Variants in TMEM74 observed in about 807,000 individuals in gnomAD.
TMEM74 encodes transmembrane protein 74.
In TMEM74, 13 loss-of-function variants were observed where a neutral mutation model predicts 18.1. The observed-to-expected ratio is 0.72, with a 90% confidence interval of 0.47 to 1.14. The LOEUF (loss-of-function observed/expected upper bound fraction) is 1.14. Among genes scored for constraint, TMEM74 ranks in the 50% most tolerant of loss-of-function variants. The pLI is 0.00. For synonymous variants in TMEM74, 159 were observed against 146.6 expected (o/e 1.08, Z -0.61); for missense variants, 372 against 375.9 (o/e 0.99, Z 0.09).
At chr8:108,638,098 T>A (rs527914763) in intron 2 of TMEM74, among the ~76,000 whole-genome samples, 7 of 152,262 alleles carry the variant, frequency 4.6e-5, no homozygotes, top group Admixed American at 1.3e-4. Flanking sequence ...TACTTGGGTG[T>A]GAAAGTAGAA....
chr8:108,742,460 A>G (rs1471808624), intron 1 of TMEM74, among the ~76,000 whole-genome samples: 1 of 152,190 alleles, frequency 6.6e-6, no homozygotes, highest in Non-Finnish European at 1.5e-5. Flanking sequence ...CCTGTTTTAT[A>G]CGAAGCATAG....
At chr8:108,686,145 A>G (rs1586260594) in intron 1 of TMEM74, among the ~76,000 whole-genome samples, 1 of 152,282 alleles carries the variant, frequency 6.6e-6, no homozygotes, top group Non-Finnish European at 1.5e-5. Context: ...TCCTAAAAAA[A>G]ATTAAGCAAG....
intron 1 of TMEM74, among the ~76,000 whole-genome samples, chr8:108,660,784 A>T (rs188081465): frequency 1.3e-5 from 2 of 152,264 alleles, no homozygotes; most frequent in Admixed American, 1.3e-4. Context: ...AGAGTATTTC[A>T]TGCAGGTAAC....
rs148853050 is a variant in TMEM74, at chr8:108,737,133, A to T, written n.119+50343T>A. 3.2e-4 allele frequency among the ~76,000 whole-genome samples: 48 copies of T among 152,286 alleles called. No individual in the cohort carries two copies. In the East Asian group the frequency reaches 9.1e-3, roughly 29 times the overall value. On this transcript the variant is annotated intron_variant and non_coding_transcript_variant, in intron 1 of 3. Coordinates refer to the TMEM74 transcript ENST00000518838. ...TGTAGGTGAAAATATACTGACCTGA[A>T]TGTCATAAAATTGTGGGTTCATACC... is the stretch of plus-strand genomic sequence containing the variant.
intron 1 of TMEM74, among the ~76,000 whole-genome samples, chr8:108,758,138 A>G (rs1813999603): frequency 6.6e-6 from 1 of 152,026 alleles, no homozygotes; most frequent in East Asian, 1.9e-4. Flanking sequence ...AGTTCCAGAA[A>G]TAGCTTGGAG....
intron 2 of TMEM74, among the ~76,000 whole-genome samples, chr8:108,638,364 T>A (rs1812627995): frequency 2.0e-5 from 3 of 152,154 alleles, no homozygotes; most frequent in Admixed American, 2.0e-4. Context: ...AGCTTCATGC[T>A]TAAAAAATGT....
chr8:108,743,880 G>T (rs1438099331), intron 1 of TMEM74, among the ~76,000 whole-genome samples: 1 of 152,114 alleles, frequency 6.6e-6, no homozygotes, highest in African/African-American at 2.4e-5. Context: ...AGGGGAGAAA[G>T]AATGTTTGAA....
At chr8:108,634,560 C>T (rs974326335) in intron 2 of TMEM74, among the ~76,000 whole-genome samples, 1 of 151,962 alleles carries the variant, frequency 6.6e-6, no homozygotes, top group Non-Finnish European at 1.5e-5. Context: ...TCCACTCTTT[C>T]CAAACCTTTT....
chr8:108,762,132 T>A (rs1814051243), intron 1 of TMEM74, among the ~76,000 whole-genome samples: 1 of 152,196 alleles, frequency 6.6e-6, no homozygotes, highest in African/African-American at 2.4e-5. Context: ...CAGAAACAAC[T>A]GTGCTTCATG....
At chr8:108,698,930 CT>C (rs1360006446) in intron 1 of TMEM74, among the ~76,000 whole-genome samples, 3 of 152,078 alleles carry the variant, frequency 2.0e-5, no homozygotes, top group Non-Finnish European at 4.4e-5. Flanking sequence ...GCTTTGGTGT[CT>C]GTAAATGTGA....
At chr8:108,652,666 G>T (rs1812786023) in intron 2 of TMEM74, 1 of 604,782 alleles carries the variant, frequency 1.7e-6, no homozygotes, top group South Asian at 1.7e-5. Flanking sequence ...AAAGCCAATT[G>T]TGCAGAAAAT....
At chr8:108,658,185 T>C (rs1018812156) in intron 1 of TMEM74, among the ~76,000 whole-genome samples, 3 of 151,786 alleles carry the variant, frequency 2.0e-5, no homozygotes, top group Non-Finnish European at 4.4e-5. Context: ...CGTGGTACAG[T>C]GGAAAGAGGA....
rs376936814 is a variant in TMEM74, at chr8:108,784,337, C to T, written c.762G>A (p.Met254Ile). 9 of 1,613,994 alleles carry T rather than the reference C, an allele frequency of 5.6e-6. No homozygotes were observed. Among genetic ancestry groups the T allele is most frequent in the African/African-American group, 1.3e-5 (1 of 74,888 alleles). ...TTCGACGATAGAGCTCCCCCTTCCA[C>T]ATGGACATCATTAACAAGCAGGACA... ...VILSCLLMMS[M>I]WKGELYRRNR... Residue 254 changes from methionine (M) to isoleucine (I), a missense_variant, in exon 2 of 2, where the codon ATG becomes ATA. Coordinates refer to ENST00000297459, the MANE Select transcript of TMEM74 (RefSeq NM_153015.3).
intron 2 of TMEM74, among the ~76,000 whole-genome samples, chr8:108,629,835 C>T (rs546701932): frequency 2.3e-4 from 35 of 152,088 alleles, no homozygotes; most frequent in African/African-American, 7.7e-4. Context: ...CTGAAAGAAG[C>T]ACTAAATATG....
At chr8:108,643,596 C>T (rs1216858819) in intron 2 of TMEM74, among the ~76,000 whole-genome samples, 4 of 151,954 alleles carry the variant, frequency 2.6e-5, no homozygotes, top group Non-Finnish European at 5.9e-5. Context: ...GTTTATGAGG[C>T]CAGGTGCAGT....
intron 1 of TMEM74, among the ~76,000 whole-genome samples, chr8:108,786,872 A>G (rs1814391672): frequency 6.6e-6 from 1 of 152,076 alleles, no homozygotes; most frequent in Admixed American, 6.5e-5. Context: ...ATCCCCACTT[A>G]ATTCCCTACG....
intron 1 of TMEM74, among the ~76,000 whole-genome samples, chr8:108,749,584 T>C (rs1267604830): frequency 6.6e-6 from 1 of 152,182 alleles, no homozygotes; most frequent in Non-Finnish European, 1.5e-5. Context: ...TATAGGATCA[T>C]GTCATCTGCA....
chr8:108,684,292 C>T (rs1359533246), intron 1 of TMEM74, among the ~76,000 whole-genome samples: 1 of 152,024 alleles, frequency 6.6e-6, no homozygotes, highest in Non-Finnish European at 1.5e-5. Context: ...TGATAATAGC[C>T]ATCCTAAGTG....
At chr8:108,703,550 C>T (rs917647853) in intron 1 of TMEM74, among the ~76,000 whole-genome samples, 13 of 152,092 alleles carry the variant, frequency 8.5e-5, no homozygotes, top group Non-Finnish European at 1.3e-4. Flanking sequence ...TACAGATGTA[C>T]AGAACTGCAT....
Sources: gnomAD v4.1 joint callset for allele counts (sites outside exome capture counted in the v4.1 genomes callset) on GRCh38, gnomAD v4.1.1 for gene constraint, MANE v1.5 for transcripts, NCBI Gene and HGNC (gene_info 2026-07-23, HGNC 2026-07-21) for gene names.